Variants in NGLY1 observed in about 807,000 individuals in gnomAD.
NGLY1 encodes the protein peptide-N(4)-(N-acetyl-beta-glucosaminyl)asparagine amidase.
NGLY1 carries 68 observed loss-of-function variants against 84.6 expected under a neutral mutation model. That is an observed-to-expected ratio of 0.80 (90% confidence interval 0.66 to 0.98). The LOEUF (loss-of-function observed/expected upper bound fraction) is 0.98, where lower values mean the gene tolerates loss of function less well. NGLY1 is among the 50% of genes least tolerant of loss of function. The pLI, the probability that NGLY1 is intolerant of heterozygous loss-of-function variation, is 0.00. For synonymous variants in NGLY1, 280 were observed against 275.2 expected, an observed-to-expected ratio of 1.02 and a Z score of -0.17; for missense variants, 779 against 770.2, an observed-to-expected ratio of 1.01 and a Z score of -0.14.
intron 2 of NGLY1, among the ~76,000 whole-genome samples, chr3:25,770,278 A>C (rs373815144): frequency 6.6e-6 from 1 of 152,132 alleles, no homozygotes; most frequent in Non-Finnish European, 1.5e-5. Flanking sequence ...CCTCCCGAGT[A>C]GCTGGGACTA....
At chr3:25,730,852 T>C (rs928625018) in intron 9 of NGLY1, among the ~76,000 whole-genome samples, 34 of 152,220 alleles carry the variant, frequency 2.2e-4, no homozygotes, top group African/African-American at 7.5e-4. Context: ...GATACTGATA[T>C]TGTGATGAGT....
chr3:25,719,173 T>G lies in NGLY1; in HGVS notation c.*287A>C. On this transcript the variant is annotated 3_prime_UTR_variant, in exon 12 of 12. Coordinates refer to ENST00000280700, the MANE Select transcript of NGLY1 (RefSeq NM_018297.4). ...CATGAATAGCATTTAATCATGAATA[T>G]CATTATTTAACTTTTAAAACCATAC... The G allele has an allele frequency of 4.5e-6, 1 of 224,374 alleles. No homozygotes were observed. Among genetic ancestry groups the G allele is most frequent in the Non-Finnish European group, 8.7e-6 (1 of 115,416 alleles). The allele number at this position is 224,374 out of a possible 1,614,324, so 13.9% of individuals were successfully genotyped here. A position where few individuals can be genotyped will look rare whatever the true frequency, so the allele number is the denominator to read the frequency against.
intron 2 of NGLY1, among the ~76,000 whole-genome samples, chr3:25,769,019 A>C (rs1707764705): frequency 6.6e-6 from 1 of 152,160 alleles, no homozygotes; most frequent in Non-Finnish European, 1.5e-5. Context: ...CCAGACTATA[A>C]AAGGAACTGA....
At chr3:25,768,160 C>T (rs925107011) in intron 2 of NGLY1, among the ~76,000 whole-genome samples, 3 of 149,288 alleles carry the variant, frequency 2.0e-5, no homozygotes, top group Admixed American at 6.7e-5. Flanking sequence ...TGGTGGCTCA[C>T]GCCTGTAATC....
At chr3:25,738,668 G>A (rs921168243) in intron 5 of NGLY1, among the ~76,000 whole-genome samples, 9 of 149,810 alleles carry the variant, frequency 6.0e-5, no homozygotes, top group East Asian at 2.0e-4. Flanking sequence ...TCACTCTGTC[G>A]CCCAGGCTGG....
At chr3:25,729,397 G>A in intron 9 of NGLY1, 79 bp from the exon 10 acceptor site, 1 of 876,086 alleles carries the variant, frequency 1.1e-6, no homozygotes. Context: ...TAAGCAGAGT[G>A]GTAAGAGAAT....
At chr3:25,762,757 A>T (rs886753693) in intron 3 of NGLY1, among the ~76,000 whole-genome samples, 41 of 152,182 alleles carry the variant, frequency 2.7e-4, no homozygotes, top group African/African-American at 9.7e-4. Context: ...TTTTGAGACC[A>T]GCCTGGCACA....
chr3:25,775,127 C>T (rs187023328), intron 2 of NGLY1, among the ~76,000 whole-genome samples: 95 of 152,390 alleles, frequency 6.2e-4, no homozygotes, highest in African/African-American at 2.1e-3. Context: ...TCCTCTGTCT[C>T]ATGGAATTTG....
At chr3:25,749,859 AC>A in intron 4 of NGLY1, 1 of 934,092 alleles carries the variant, frequency 1.1e-6, no homozygotes, top group Non-Finnish European at 1.7e-6. Flanking sequence ...AGAGTCACCA[AC>A]CCCAATGCCA....
intron 10 of NGLY1, among the ~76,000 whole-genome samples, chr3:25,722,987 T>G (rs1705082139): frequency 6.6e-6 from 1 of 152,236 alleles, no homozygotes; most frequent in South Asian, 2.1e-4. Context: ...TCTTAAGACA[T>G]AAACATTAAC....
At chr3:25,758,448 C>G (rs1453724511) in intron 3 of NGLY1, among the ~76,000 whole-genome samples, 2 of 151,976 alleles carry the variant, frequency 1.3e-5, no homozygotes, top group South Asian at 2.1e-4. Flanking sequence ...GCTTGGGGCA[C>G]ACACCTGTAG....
chr3:25,749,557 C>T lies in NGLY1; in HGVS notation c.658+1541G>A, dbSNP rs1037241448. The T allele has an allele frequency of 5.1e-6, 8 of 1,562,732 alleles. No homozygotes were observed. In the African/African-American group the frequency reaches 1.1e-4, roughly 21 times the overall value. On this transcript the variant is annotated intron_variant, in intron 4 of 11. Transcript: ENST00000280700. ...GAGAACCAAGAAGTTCATCCGGCAC[C>T]AGTCTGACTGATATGTCAAAAATTA... is the stretch of plus-strand genomic sequence containing the variant.
intron 9 of NGLY1, among the ~76,000 whole-genome samples, chr3:25,731,324 G>C (rs769464716): frequency 2.8e-4 from 43 of 151,922 alleles, no homozygotes; most frequent in Non-Finnish European, 4.4e-4. Flanking sequence ...CTTCACAAAA[G>C]AGAATGAGGA....
In NGLY1 at chr3:25,749,660, A is replaced by G. The variant is rs926612021; in HGVS notation, c.658+1438T>C. The G allele has an allele frequency of 2.3e-5, 34 of 1,505,426 alleles. No homozygotes were observed. The Middle Eastern group carries it at 6.8e-4, about 30-fold the overall frequency. The allele number at this position is 1,505,426 out of a possible 1,614,324, so 93.3% of individuals were successfully genotyped here. A position where few individuals can be genotyped will look rare whatever the true frequency, so the allele number is the denominator to read the frequency against. ...CAAGAGCCAGATCTTGATGCCCAAC[A>G]TTAGTTATGGGAGCAACAAAAAAAC... On this transcript the variant is annotated intron_variant, in intron 4 of 11. Transcript: ENST00000280700.
Position 25,736,164 on chromosome 3 carries a change from G to A in NGLY1, c.1004-15C>T, listed in dbSNP as rs2125475882. ...CCAGACATGGTCTACTCAAGTAAGA[G>A]AAAAGAGAGCAATGGAAAAAAGACA... On this transcript the variant is annotated splice_polypyrimidine_tract_variant and intron_variant, in intron 6 of 11. Coordinates refer to ENST00000280700, the MANE Select transcript of NGLY1 (RefSeq NM_018297.4). The A allele has an allele frequency of 6.2e-7, 1 of 1,607,434 alleles. No individual in the cohort carries two copies. The highest frequency in any genetic ancestry group is 8.5e-7 in the Non-Finnish European group (1 of 1,177,192).
upstream of NGLY1, among the ~76,000 whole-genome samples, chr3:25,786,061 A>C (rs1458550233): frequency 6.6e-6 from 1 of 152,140 alleles, no homozygotes; most frequent in Non-Finnish European, 1.5e-5. Context: ...AAAGACTTCA[A>C]CTCCTCCCCT....
intron 10 of NGLY1, among the ~76,000 whole-genome samples, chr3:25,722,191 C>T (rs899266922): frequency 3.2e-4 from 48 of 150,172 alleles, no homozygotes; most frequent in Non-Finnish European, 5.6e-4. Flanking sequence ...CACTCCAGCC[C>T]GGGTGACAGA....
intron 2 of NGLY1, among the ~76,000 whole-genome samples, chr3:25,772,848 A>AT (rs1449259620): frequency 6.6e-6 from 1 of 152,090 alleles, no homozygotes; most frequent in African/African-American, 2.4e-5. Flanking sequence ...TTCTCTTGGC[A>AT]TTTGTTTGTC....
chr3:25,789,960 G>T, exon 1 of NGLY1: 1 of 1,460,766 alleles, frequency 6.8e-7, no homozygotes, highest in South Asian at 1.2e-5. Context: ...CGCCTCCCAC[G>T]GTCTGACCTC....
Sources: gnomAD v4.1 joint callset for allele counts (sites outside exome capture counted in the v4.1 genomes callset) on GRCh38, gnomAD v4.1.1 for gene constraint, MANE v1.5 for transcripts, NCBI Gene and HGNC (gene_info 2026-07-23, HGNC 2026-07-21) for gene names.